SLC25A35: variants seen among roughly 807,000 people sequenced by gnomAD.
The protein encoded by SLC25A35 is solute carrier family 25, member 35.
SLC25A35 carries 32 observed loss-of-function variants against 30.5 expected under a neutral mutation model. The observed-to-expected ratio is 1.05, with a 90% CI of 0.79 to 1.41. The LOEUF is 1.41. Ranked by LOEUF, SLC25A35 falls within the 40% of genes most tolerant of loss-of-function variation. SLC25A35 has a pLI of 0.00. For synonymous variants in SLC25A35, 142 were observed against 158.1 expected, an observed-to-expected ratio of 0.90 and a Z score of 0.77; for missense variants, 369 against 388.0, an observed-to-expected ratio of 0.95 and a Z score of 0.41.
At position 8,292,535 on chromosome 17, in the gene SLC25A35, C is replaced by T. The variant is rs199970527; in HGVS notation, c.429G>A (p.Gln143=). The change falls in exon 2 of 5, where the codon CAG becomes CAA. Residue 143 remains glutamine (Q), a synonymous_variant. Transcript: ENST00000577745. ...QAASEIAVGH[Q]YKHQGMFQAL... is the part of the protein sequence containing the mutation. ...TGGGAACCCTCACCTGATGCTTATA[C>T]TGGTGCCCTACAGCAATTTCTGAGG... The T allele has an allele frequency of 6.2e-7, 1 of 1,614,072 alleles. No individual in the cohort carries two copies. Among genetic ancestry groups the T allele is most frequent in the Non-Finnish European group, 8.5e-7 (1 of 1,180,002 alleles).
In SLC25A35 at chr17:8,290,156, A is replaced by G. The variant is rs1337533893; in HGVS notation, c.*349T>C. 1 of 1,438,430 alleles carries G rather than the reference A, an allele frequency of 7.0e-7. No homozygotes were observed. Among genetic ancestry groups the G allele is most frequent in the Non-Finnish European group, 9.1e-7 (1 of 1,100,512 alleles). The allele number at this position is 1,438,430 out of a possible 1,614,324, so 89.1% of individuals were successfully genotyped here. On this transcript the variant is annotated 3_prime_UTR_variant, in exon 5 of 5. Transcript: ENST00000577745. ...AGACGCCTGGGAATTGGGTCTCTCG[A>G]TTCCCTTTGGTTTTGGAGGGAGGAG...
downstream of SLC25A35, chr17:8,288,380 G>A (rs116393443): frequency 3.1e-3 from 903 of 290,282 alleles, 5 homozygotes; most frequent in African/African-American, 0.018. Flanking sequence ...GGTGGAGACT[G>A]CAGTGAGCGG....
rs777769348 is a variant in SLC25A35 at position 8,294,492 on chromosome 17, C to T, written c.316G>A (p.Ala106Thr). 11 of 1,611,070 alleles carry T rather than the reference C, an allele frequency of 6.8e-6. No homozygotes were observed. The East Asian group carries it at 8.9e-5, about 13-fold the overall frequency. ...ACCCCAGCCATGGCCCCAGCTGCTG[C>T]GCTGCGGGCAGGACTGTGGGTGCCT... ...AEGTHSPARS[A>T]AAGAMAGVMG... is the part of the protein sequence containing the mutation. The change falls in exon 1 of 5, where the codon GCA becomes ACA. Residue 106 changes from alanine (A) to threonine (T), a missense_variant. By Grantham distance (58) the Ala-to-Thr change is moderately conservative (BLOSUM62 0). Coordinates refer to ENST00000577745, the MANE Select transcript of SLC25A35 (RefSeq NM_001320870.2).
downstream of SLC25A35, chr17:8,289,527 C>T: frequency 1.9e-6 from 3 of 1,614,190 alleles, no homozygotes; most frequent in Non-Finnish European, 2.5e-6. Context: ...GACACTTCAT[C>T]AGGCCTTGCT....
intron 2 of SLC25A35, among the ~76,000 whole-genome samples, 178 bp downstream of exon 2, chr17:8,292,345 C>T (rs62063152): frequency 0.24 from 36,394 of 152,000 alleles, 5,238 homozygotes; most frequent in East Asian, 0.63. Context: ...GGCAACAGAG[C>T]GAGACTCCAT....
chr17:8,290,434 C>A lies in SLC25A35; in HGVS notation c.*71G>T. 1 of 1,509,826 alleles carries A rather than the reference C, an allele frequency of 6.6e-7. No individual in the cohort carries two copies. Among genetic ancestry groups the A allele is most frequent in the South Asian group, 1.3e-5 (1 of 78,734 alleles). The allele number at this position is 1,509,826 out of a possible 1,614,324, so 93.5% of individuals were successfully genotyped here. A position where few individuals can be genotyped will look rare whatever the true frequency, so the allele number is the denominator to read the frequency against. Reference sequence around the variant, plus strand: ...GATGAAAGGTCACCTAATCAGTAGTCACCAGGACATAGTGGTGGAGGCACA... The same window carrying A: ...GATGAAAGGTCACCTAATCAGTAGTAACCAGGACATAGTGGTGGAGGCACA... On this transcript the variant is annotated 3_prime_UTR_variant, in exon 5 of 5. Transcript: ENST00000577745.
At chr17:8,291,246 T>G in intron 3 of SLC25A35, 87 bp downstream of exon 3, 1 of 1,556,318 alleles carries the variant, frequency 6.4e-7, no homozygotes, top group Non-Finnish European at 8.7e-7. Flanking sequence ...CTGTGAATGT[T>G]GGGCACCATC....
chr17:8,291,587 A>G, intron 2 of SLC25A35, 102 bp from the exon 3 acceptor site: 1 of 1,436,572 alleles, frequency 7.0e-7, no homozygotes, highest in South Asian at 1.4e-5. Flanking sequence ...TCTCTTGTCC[A>G]GACAACCAGT....
Position 8,291,338 on chromosome 17 carries a change from A to G in SLC25A35, c.589T>C (p.Trp197Arg), listed in dbSNP as rs777998714. ...FSSTKDLLSQWEIFPPQSWKL... is the reference protein window; with the variant it reads ...FSSTKDLLSQREIFPPQSWKL... ...ACCCATTTCCCAGGCAGTACCTCCC[A>G]CTGGCTCAGGAGGTCCTTGGTGGAT... is the stretch of plus-strand genomic sequence containing the variant. The change falls in exon 3 of 5, where the codon TGG (tryptophan) becomes CGG (arginine). Residue 197 changes from tryptophan (W) to arginine (R), a missense_variant. Physicochemically the swap from Trp to Arg is moderately radical, Grantham distance 101. Transcript: ENST00000577745. 1.2e-6 allele frequency: 2 copies of G among 1,613,476 alleles called. No individual in the cohort carries two copies. Among genetic ancestry groups the G allele is most frequent in the East Asian group, 4.5e-5 (2 of 44,850 alleles).
At chr17:8,292,283 C>G (rs1044335330) in intron 2 of SLC25A35, among the ~76,000 whole-genome samples, 2 of 152,156 alleles carry the variant, frequency 1.3e-5, no homozygotes, top group Non-Finnish European at 2.9e-5. Context: ...CACTTGAACC[C>G]GGGAAGCGGA....
At chr17:8,288,906 G>A (rs761114818), downstream of SLC25A35, 3 of 1,613,852 alleles carry the variant, frequency 1.9e-6, no homozygotes, top group Non-Finnish European at 2.5e-6. Flanking sequence ...GACTGGGTGG[G>A]TTGTGGGAAG....
At chr17:8,292,801 A>G (rs1433080726) in intron 1 of SLC25A35, among the ~76,000 whole-genome samples, 2 of 152,072 alleles carry the variant, frequency 1.3e-5, no homozygotes, top group Non-Finnish European at 2.9e-5. Flanking sequence ...GCACTGCAAG[A>G]CACCCCAACC....
Position 8,290,685 on chromosome 17 carries a change from G to A in SLC25A35, c.730-7C>T, listed in dbSNP as rs1210426997. On this transcript the variant is annotated splice_polypyrimidine_tract_variant and splice_region_variant and intron_variant, in intron 4 of 4. Coordinates refer to ENST00000577745, the MANE Select transcript of SLC25A35 (RefSeq NM_001320870.2). ...TCCCCCGGTACATGAGGCCCTGAGA[G>A]TGTGTCAGAGAGGGAGGGAGAGCAC... 2 of 1,592,614 alleles carry A rather than the reference G, an allele frequency of 1.3e-6. No homozygotes were observed. The highest frequency in any genetic ancestry group is 1.1e-5 in the South Asian group (1 of 89,986).
rs1990365821 is a variant in SLC25A35, at chr17:8,290,085, C to G, written c.*420G>C. On this transcript the variant is annotated 3_prime_UTR_variant, in exon 5 of 5. Coordinates refer to ENST00000577745, the MANE Select transcript of SLC25A35 (RefSeq NM_001320870.2). ...CTTCAGAATAAACTTGCTTTATAATCAATATAATCTCTGTGCCTTTGAATC... is the reference window on the plus strand; with the variant it reads ...CTTCAGAATAAACTTGCTTTATAATGAATATAATCTCTGTGCCTTTGAATC... 7.2e-6 allele frequency: 11 copies of G among 1,532,542 alleles called. No homozygotes were observed. The highest frequency in any genetic ancestry group is 9.6e-6 in the Non-Finnish European group (11 of 1,139,970). 94.9% of individuals were successfully genotyped at this position (1,532,542 alleles called of 1,614,324 possible).
rs1990377273 is a variant in SLC25A35, at chr17:8,290,218, G to C, written c.*287C>G. The C allele has an allele frequency of 7.0e-7, 1 of 1,426,252 alleles. No homozygotes were observed. The highest frequency in any genetic ancestry group is 9.1e-7 in the Non-Finnish European group (1 of 1,095,574). The allele number at this position is 1,426,252 out of a possible 1,614,324, so 88.3% of individuals were successfully genotyped here. A position where few individuals can be genotyped will look rare whatever the true frequency, so the allele number is the denominator to read the frequency against. On this transcript the variant is annotated 3_prime_UTR_variant, in exon 5 of 5. Coordinates refer to ENST00000577745, the MANE Select transcript of SLC25A35 (RefSeq NM_001320870.2). ...GCATGGGAGCAGGAGGGACTCAAGG[G>C]TGGCAGTGGTGAGTGGGAGGAAATA...
Position 8,290,642 on chromosome 17 carries a change from G to A in SLC25A35, c.766C>T (p.Gln256Ter). 6.4e-7 allele frequency: 1 copy of A among 1,550,858 alleles called. No homozygotes were observed. Among genetic ancestry groups the A allele is most frequent in the East Asian group, 2.4e-5 (1 of 41,856 alleles). ...AAAATGCCCTCGGTCCGAGCTGTCTGCAGCAGAGCGTCCAGTATCCCCCGG... is the reference window on the plus strand; with the variant it reads ...AAAATGCCCTCGGTCCGAGCTGTCTACAGCAGAGCGTCCAGTATCCCCCGG... The part of the protein sequence containing the change: ...MYRGILDALL[Q>*]TARTEGIFGM... Residue 256 changes from glutamine to a stop codon, truncating the protein, a stop_gained, in exon 5 of 5, where the codon CAG (glutamine) becomes TAG (stop). Coordinates refer to ENST00000577745, the MANE Select transcript of SLC25A35 (RefSeq NM_001320870.2). LOFTEE classifies it high-confidence loss of function.
Position 8,292,723 on chromosome 17 carries a change from T to C in SLC25A35, c.376-135A>G, listed in dbSNP as rs1240765279. The C allele has an allele frequency of 6.5e-6, 5 of 768,324 alleles. No homozygotes were observed. The African/African-American group carries it at 6.9e-5, about 11-fold the overall frequency. The allele number at this position is 768,324 out of a possible 1,614,324, so 47.6% of individuals were successfully genotyped here. On this transcript the variant is annotated intron_variant, in intron 1 of 4. Coordinates refer to ENST00000577745, the MANE Select transcript of SLC25A35 (RefSeq NM_001320870.2). ...CTCTTACTCTGATTATTGTTCTTCC[T>C]ACTTAACAAACTGGTTAACAAAAAG...
chr17:8,290,897 G>A lies in SLC25A35; in HGVS notation c.674C>T (p.Pro225Leu). The A allele has an allele frequency of 6.2e-7, 1 of 1,614,054 alleles. No individual in the cohort carries two copies. The highest frequency in any genetic ancestry group is 8.5e-7 in the Non-Finnish European group (1 of 1,179,996). ...GAGCCTTGTGCAGGCCACATCAAAGGGTGCCATGGCCAAGACAACTGCAAT... is the reference window on the plus strand; with the variant it reads ...GAGCCTTGTGCAGGCCACATCAAAGAGTGCCATGGCCAAGACAACTGCAAT... ...SGIAVVLAMA[P>L]FDVACTRLYN... The change falls in exon 4 of 5, where the codon CCC becomes CTC. Residue 225 changes from proline to leucine, a missense_variant. Physicochemically the swap from Pro to Leu is moderately conservative, Grantham distance 98. Transcript: ENST00000577745.
At chr17:8,293,546 T>A (rs1990644065) in intron 1 of SLC25A35, among the ~76,000 whole-genome samples, 1 of 142,004 alleles carries the variant, frequency 7.0e-6, no homozygotes, top group Non-Finnish European at 1.5e-5. Flanking sequence ...TAATTTTCTT[T>A]CTTTTCTTTT....
Sources: allele counts gnomAD v4.1 joint callset (sites outside exome capture counted in the v4.1 genomes callset), GRCh38; gene constraint gnomAD v4.1.1; transcripts MANE v1.5; gene names NCBI Gene and HGNC (gene_info 2026-07-23, HGNC 2026-07-21).